PLD2: variants seen among roughly 807,000 people sequenced by gnomAD.
PLD2 encodes the protein choline phosphatase 2.
Under a neutral mutation model 119.8 loss-of-function variants are expected in PLD2, and 101 were observed. The ratio of observed to expected loss-of-function variants is 0.84; its 90% CI spans 0.72 to 0.99. The LOEUF (loss-of-function observed/expected upper bound fraction) is 0.99, where lower values mean the gene tolerates loss of function less well. Among genes scored for constraint, PLD2 ranks in the 50% least tolerant of loss-of-function variants. The probability of loss-of-function intolerance (pLI) is 0.00; values close to 1 mark genes in which losing one functional copy is unlikely to be tolerated. For synonymous variants in PLD2, 494 were observed against 482.8 expected (o/e 1.02, Z -0.30); for missense variants, 1,164 against 1,226.8 (o/e 0.95, Z 0.76).
At chr17:4,809,666 G>A (rs757131302) in intron 7 of PLD2, 25 bp from the exon 8 acceptor site, 23 of 1,613,074 alleles carry the variant, frequency 1.4e-5, no homozygotes, top group East Asian at 2.2e-5. Context: ...TCCTCATCCC[G>A]CCTCTCTTCC....
At chr17:4,810,296 C>G (rs996917263) in intron 9 of PLD2, among the ~76,000 whole-genome samples, 3 of 152,120 alleles carry the variant, frequency 2.0e-5, no homozygotes, top group Admixed American at 2.0e-4. Context: ...TTCAACAAAC[C>G]CGAGTGCCTG....
intron 10 of PLD2, among the ~76,000 whole-genome samples, chr17:4,813,423 G>C (rs1906664989): frequency 1.3e-5 from 2 of 152,300 alleles, no homozygotes; most frequent in South Asian, 4.1e-4. Flanking sequence ...TGAGAGATTA[G>C]ACACTTATAT....
intron 10 of PLD2, among the ~76,000 whole-genome samples, chr17:4,811,685 C>T (rs1003366891): frequency 1.3e-5 from 2 of 152,182 alleles, no homozygotes; most frequent in African/African-American, 4.8e-5. Context: ...ACTTGCCGTA[C>T]TGGTGATAGG....
chr17:4,821,723 G>A, intron 23 of PLD2, 70 bp from the exon 24 acceptor site: 3 of 1,118,314 alleles, frequency 2.7e-6, no homozygotes, highest in Non-Finnish European at 4.1e-6. Flanking sequence ...TAGGGACAAT[G>A]TAACTTTTCT....
rs201286134 is a variant in PLD2, at chr17:4,817,185, C to T, written c.1741C>T (p.Leu581=). The T allele has an allele frequency of 9.9e-6, 16 of 1,614,044 alleles. No individual in the cohort carries two copies. In the East Asian group the frequency reaches 3.6e-4, roughly 36 times the overall value. Reference sequence around the variant, plus strand: ...GTACAAGACTCCCACATACCCCTACCTGCTTCCCAAGTCTACCAGCACGGC... The same window carrying T: ...GTACAAGACTCCCACATACCCCTACTTGCTTCCCAAGTCTACCAGCACGGC... ...AKYKTPTYPY[L]LPKSTSTANQ... Residue 581 remains leucine, a synonymous_variant, in exon 17 of 25, where the codon CTG becomes TTG. Coordinates refer to ENST00000263088, the MANE Select transcript of PLD2 (RefSeq NM_002663.5).
chr17:4,817,278 G>T lies in PLD2; in HGVS notation c.1815+19G>T. 1 of 1,484,454 alleles carries T rather than the reference G, an allele frequency of 6.7e-7. No homozygotes were observed. 92.0% of individuals were successfully genotyped at this position (1,484,454 alleles called of 1,614,324 possible). ...CGTACAGGTGAGGCCCCCCACTTCA[G>T]CCAGCCCTCCCCTTTGTCTCCTTCA... On this transcript the variant is annotated intron_variant, in intron 17 of 24. Transcript: ENST00000263088.
At position 4,821,780 on chromosome 17, in the gene PLD2, C is replaced by T. The variant is rs775379131; in HGVS notation, c.2463-13C>T. The T allele has an allele frequency of 6.3e-7, 1 of 1,592,998 alleles. No homozygotes were observed. The highest frequency in any genetic ancestry group is 1.1e-5 in the South Asian group (1 of 90,670). ...TCTTAATCTGGCCCTGCTGGGACCCCTTTCTCCTATAGTGTGATTCTTGGA... is the reference window on the plus strand; with the variant it reads ...TCTTAATCTGGCCCTGCTGGGACCCTTTTCTCCTATAGTGTGATTCTTGGA... On this transcript the variant is annotated splice_polypyrimidine_tract_variant and intron_variant, in intron 23 of 24. Coordinates refer to ENST00000263088, the MANE Select transcript of PLD2 (RefSeq NM_002663.5).
chr17:4,811,740 A>G (rs958659854), intron 10 of PLD2, among the ~76,000 whole-genome samples: 1 of 152,190 alleles, frequency 6.6e-6, no homozygotes, highest in Non-Finnish European at 1.5e-5. Flanking sequence ...CCCAGCAGGG[A>G]TATCAGGACA....
chr17:4,820,498 C>T (rs1434439792), intron 23 of PLD2, among the ~76,000 whole-genome samples: 2 of 150,388 alleles, frequency 1.3e-5, no homozygotes, highest in East Asian at 3.9e-4. Context: ...GAACTCCTGA[C>T]CTCAGGCTTC....
intron 23 of PLD2, among the ~76,000 whole-genome samples, chr17:4,820,195 C>T (rs1907505228): frequency 6.6e-6 from 1 of 151,594 alleles, no homozygotes; most frequent in Non-Finnish European, 1.5e-5. Context: ...CCACCCACTT[C>T]AGCATTCCAA....
intron 15 of PLD2, 87 bp downstream of exon 15, chr17:4,816,833 C>T: frequency 6.3e-7 from 1 of 1,597,404 alleles, no homozygotes; most frequent in African/African-American, 1.3e-5. Context: ...TGAGAGGGGT[C>T]AACGGTGGTA....
At chr17:4,815,425 G>C (rs1906867930) in intron 12 of PLD2, 51 bp from the exon 13 acceptor site, 1 of 1,102,090 alleles carries the variant, frequency 9.1e-7, no homozygotes, top group Non-Finnish European at 1.4e-6. Flanking sequence ...AGTGTGGAAA[G>C]GGGCTACTCT....
At chr17:4,818,899 G>T (rs1235012771) in intron 21 of PLD2, 76 bp downstream of exon 21, 5 of 1,523,426 alleles carry the variant, frequency 3.3e-6, no homozygotes, top group Admixed American at 1.8e-5. Flanking sequence ...GCCTGGGGGT[G>T]GGGGAAGGAG....
At position 4,808,668 on chromosome 17, in the gene PLD2, T is replaced by C. The variant is rs994109512; in HGVS notation, c.383+252T>C. On this transcript the variant is annotated intron_variant, in intron 4 of 24. Coordinates refer to ENST00000263088, the MANE Select transcript of PLD2 (RefSeq NM_002663.5). This position sits in a 1 kb window ranked among gnomAD's most constrained non-coding sequence, Gnocchi z 4.1. ...CCTTTTCTAGTCTCCATTCCCAGGGTAGGGGGCCTCCGTTTTGCCAGCCTC... is the reference window on the plus strand; with the variant it reads ...CCTTTTCTAGTCTCCATTCCCAGGGCAGGGGGCCTCCGTTTTGCCAGCCTC... Among the ~76,000 whole-genome samples, 1 of 152,060 alleles carries C rather than the reference T, an allele frequency of 6.6e-6. No homozygotes were observed. Among genetic ancestry groups the C allele is most frequent in the Non-Finnish European group, 1.5e-5 (1 of 68,004 alleles).
In PLD2 at chr17:4,808,074, C is replaced by T; in HGVS notation, c.200C>T (p.Ala67Val). The stretch of plus-strand genomic sequence containing the variant: ...TTCGCACCTGGGGTCCCTGTCACAG[C>T]CCAGGTGGTGGGCACCGAAAGATAT... ...LVFAPGVPVTAQVVGTERYTS... is the reference protein window; with the variant it reads ...LVFAPGVPVTVQVVGTERYTS... The change falls in exon 3 of 25, where the codon GCC (alanine) becomes GTC (valine). Residue 67 changes from alanine (A) to valine (V), a missense_variant. Physicochemically the swap from Ala to Val is moderately conservative, Grantham distance 64 (BLOSUM62 0). Transcript: ENST00000263088. The surrounding 1 kb of genome is among the most constrained non-coding windows in gnomAD (Gnocchi z 4.1). The T allele has an allele frequency of 6.2e-7, 1 of 1,612,198 alleles. No individual in the cohort carries two copies. The highest frequency in any genetic ancestry group is 8.5e-7 in the Non-Finnish European group (1 of 1,178,486).
At position 4,809,325 on chromosome 17, in the gene PLD2, C is replaced by T; in HGVS notation, c.517C>T (p.Leu173Phe). ...QKYLENYLNR[L>F]LTMSFYRNYH... ...ATACCTGGAGAATTACCTCAACCGT[C>T]TCTTGACCATGTCTTTCTATCGCAA... Residue 173 changes from leucine (L) to phenylalanine (F), a missense_variant, in exon 6 of 25, where the codon CTC (leucine) becomes TTC (phenylalanine). Transcript: ENST00000263088. 6.2e-7 allele frequency: 1 copy of T among 1,614,204 alleles called. No homozygotes were observed. Among genetic ancestry groups the T allele is most frequent in the Non-Finnish European group, 8.5e-7 (1 of 1,180,006 alleles).
chr17:4,810,681 GCCCTAT>G lies in PLD2; in HGVS notation c.861-116_861-111del, dbSNP rs201837364. 9.1e-4 allele frequency: 834 copies of G among 919,938 alleles called. 17 individuals carry two copies. The East Asian group carries it at 0.017, about 19-fold the overall frequency. The allele number at this position is 919,938 out of a possible 1,614,324, so 57.0% of individuals were successfully genotyped here. On this transcript the variant is annotated intron_variant, in intron 9 of 24. Coordinates refer to ENST00000263088, the MANE Select transcript of PLD2 (RefSeq NM_002663.5). Reference sequence around the variant, plus strand: ...AAATAAATAAGGCAGATACATACACGCCCTATCCCTGTGCAGTTGTGATTAGGGACT... The same window carrying G: ...AAATAAATAAGGCAGATACATACACGCCCTGTGCAGTTGTGATTAGGGACT...
At chr17:4,815,609 C>T in intron 13 of PLD2, 23 bp downstream of exon 13, 1 of 1,592,604 alleles carries the variant, frequency 6.3e-7, no homozygotes, top group East Asian at 2.2e-5. Context: ...CTCAGAGACC[C>T]TCCCACATGA....
intron 7 of PLD2, 45 bp from the exon 8 acceptor site, chr17:4,809,646 G>T (rs766811778): frequency 6.2e-7 from 1 of 1,611,704 alleles, no homozygotes; most frequent in Middle Eastern, 1.7e-4. Flanking sequence ...GGTGGGCTGG[G>T]GGTCTGGAGT....
Sources: allele counts gnomAD v4.1 joint callset (sites outside exome capture counted in the v4.1 genomes callset), GRCh38; gene constraint gnomAD v4.1.1; non-coding constraint Gnocchi (gnomAD v3.1); transcripts MANE v1.5; gene names NCBI Gene and HGNC (gene_info 2026-07-23, HGNC 2026-07-21).